The following CFAP54 variants were observed in gnomAD, a reference collection of about 807,000 sequenced individuals.
CFAP54 encodes the protein cilia- and flagella-associated protein 54.
CFAP54 carries 290 observed loss-of-function variants against 370.4 expected under a neutral mutation model. That is an observed-to-expected ratio of 0.78 (90% CI 0.71 to 0.86). The LOEUF is 0.86. Ranked by LOEUF, CFAP54 falls within the 40% of genes least tolerant of loss-of-function variation. The pLI is 0.00. For missense variants in CFAP54, 3,399 were observed against 3,528.7 expected, an observed-to-expected ratio of 0.96 and a Z score of 0.93; for synonymous variants, 1,206 against 1,236.5, an observed-to-expected ratio of 0.98 and a Z score of 0.52.
intron 55 of CFAP54, among the ~76,000 whole-genome samples, chr12:96,753,235 C>T (rs1373371506): frequency 6.6e-6 from 1 of 152,108 alleles, no homozygotes; most frequent in Non-Finnish European, 1.5e-5. Flanking sequence ...TAATAAAAAG[C>T]ATAGCATGTA....
At chr12:96,516,901 G>T (rs761538014) in intron 5 of CFAP54, among the ~76,000 whole-genome samples, 28 of 152,178 alleles carry the variant, frequency 1.8e-4, no homozygotes, top group Non-Finnish European at 2.6e-4. Flanking sequence ...CCATCCTGTG[G>T]CTGAGCTGAT....
In CFAP54 at chr12:96,875,308, G is replaced by A. The variant is rs1960280467; in HGVS notation, c.*205G>A. The A allele has an allele frequency of 6.6e-6, 1 of 152,144 alleles. No individual in the cohort carries two copies. The highest frequency in any genetic ancestry group is 2.1e-4 in the South Asian group (1 of 4,828). The allele number at this position is 152,144 out of a possible 1,614,324, so 9.4% of individuals were successfully genotyped here. A position where few individuals can be genotyped will look rare whatever the true frequency, so the allele number is the denominator to read the frequency against. ...TCTTATGATATATACAAATACTCTAGATATTGCTTTGAGATTTCGCTGTTG... is the reference window on the plus strand; with the variant it reads ...TCTTATGATATATACAAATACTCTAAATATTGCTTTGAGATTTCGCTGTTG... On this transcript the variant is annotated 3_prime_UTR_variant, in exon 68 of 68. Coordinates refer to ENST00000524981, the MANE Select transcript of CFAP54 (RefSeq NM_001306084.2).
chr12:96,641,196 T>C (rs941085990), intron 32 of CFAP54, among the ~76,000 whole-genome samples: 44 of 152,212 alleles, frequency 2.9e-4, no homozygotes, highest in African/African-American at 9.9e-4. Flanking sequence ...AGGGCTAATA[T>C]CCAGAATCTA....
intron 55 of CFAP54, among the ~76,000 whole-genome samples, chr12:96,750,921 C>T (rs1414230171): frequency 6.6e-6 from 1 of 152,154 alleles, no homozygotes; most frequent in Non-Finnish European, 1.5e-5. Flanking sequence ...AAAAGGAGCA[C>T]TTAAATATTA....
intron 39 of CFAP54, among the ~76,000 whole-genome samples, chr12:96,677,650 A>G (rs1421552864): frequency 6.6e-6 from 1 of 152,148 alleles, no homozygotes; most frequent in East Asian, 1.9e-4. Flanking sequence ...CTGGTAAGGA[A>G]GAAGAATGAG....
At chr12:96,703,361 T>G (rs1203060315) in intron 46 of CFAP54, among the ~76,000 whole-genome samples, 1 of 152,150 alleles carries the variant, frequency 6.6e-6, no homozygotes, top group African/African-American at 2.4e-5. Context: ...TCTCTGCACT[T>G]CTAGCCTCTC....
chr12:96,682,625 C>A (rs990167117), intron 40 of CFAP54, among the ~76,000 whole-genome samples: 10 of 152,168 alleles, frequency 6.6e-5, no homozygotes. Flanking sequence ...ATAAGCCCAC[C>A]TGAGCCTCCC....
intron 40 of CFAP54, 147 bp downstream of exon 40, chr12:96,679,899 T>A: frequency 1.3e-6 from 1 of 766,402 alleles, no homozygotes; most frequent in Non-Finnish European, 2.1e-6. Context: ...CCAGTGGATC[T>A]ATTCTGTGTC....
intron 35 of CFAP54, among the ~76,000 whole-genome samples, chr12:96,651,307 C>T (rs1051893998): frequency 2.0e-5 from 3 of 152,206 alleles, no homozygotes; most frequent in Non-Finnish European, 4.4e-5. Flanking sequence ...GAATTCCCAG[C>T]ACCTAGAACA....
chr12:96,674,207 C>T (rs1282707880), intron 39 of CFAP54, among the ~76,000 whole-genome samples: 1 of 152,042 alleles, frequency 6.6e-6, no homozygotes, highest in Non-Finnish European at 1.5e-5. Flanking sequence ...GATGTGGCCT[C>T]GAGTGTAGGA....
intron 9 of CFAP54, among the ~76,000 whole-genome samples, chr12:96,531,250 T>C (rs1955438002): frequency 6.6e-6 from 1 of 152,162 alleles, no homozygotes; most frequent in African/African-American, 2.4e-5. Flanking sequence ...TTTAAGATTT[T>C]GATGCTCTTT....
chr12:96,499,456 C>T (rs1263746058), intron 1 of CFAP54, among the ~76,000 whole-genome samples: 1 of 152,146 alleles, frequency 6.6e-6, no homozygotes, highest in East Asian at 1.9e-4. Context: ...ATCTAGAACA[C>T]CGACAACACC....
chr12:96,850,216 T>TA (rs35493066), intron 66 of CFAP54, among the ~76,000 whole-genome samples: 3,278 of 101,062 alleles, frequency 0.032, 69 homozygotes, highest in Middle Eastern at 0.067. Context: ...CTGTCTCTAC[T>TA]AAAAAAAAAA....
chr12:96,654,397 A>C (rs569303890), intron 36 of CFAP54, among the ~76,000 whole-genome samples: 1 of 150,944 alleles, frequency 6.6e-6, no homozygotes, highest in South Asian at 2.1e-4. Context: ...GCTACTTGGG[A>C]GGCTGAGGCA....
At chr12:96,749,060 A>G (rs1958153664) in intron 55 of CFAP54, among the ~76,000 whole-genome samples, 1 of 152,192 alleles carries the variant, frequency 6.6e-6, no homozygotes, top group Admixed American at 6.5e-5. Context: ...GGGAGTTTTT[A>G]CAGTAGTCTG....
chr12:96,600,174 T>C (rs1956224157), intron 26 of CFAP54, among the ~76,000 whole-genome samples: 1 of 152,128 alleles, frequency 6.6e-6, no homozygotes, highest in Non-Finnish European at 1.5e-5. Flanking sequence ...TTAATTTTTG[T>C]GTAAGGTGTA....
chr12:96,589,650 A>C (rs1956106712), intron 23 of CFAP54, 87 bp downstream of exon 23: 1 of 825,218 alleles, frequency 1.2e-6, no homozygotes, highest in African/African-American at 1.8e-5. Context: ...TTTTAATATC[A>C]TGTTCAGATA....
chr12:96,658,021 T>C lies in CFAP54; in HGVS notation c.5240T>C (p.Val1747Ala). The change falls in exon 37 of 68, where the codon GTA (valine) becomes GCA (alanine). Residue 1747 changes from valine (V) to alanine (A), a missense_variant. This residue lies in a region of CFAP54 where 2,796 missense variants were observed against 2,869.7 expected (regional missense o/e 0.97). Transcript: ENST00000524981. ...GATTTGAAATGGATCCACGACTTTG[T>C]ATTAAAATCTCTGGAAGTTTTATAT... ...VVDLKWIHDF[V>A]LKSLEVLYQV... 1.9e-6 allele frequency: 3 copies of C among 1,613,980 alleles called. No individual in the cohort carries two copies. The highest frequency in any genetic ancestry group is 2.5e-6 in the Non-Finnish European group (3 of 1,179,940).
intron 22 of CFAP54, among the ~76,000 whole-genome samples, chr12:96,585,029 C>CTG (rs1801547177): frequency 1.2e-5 from 1 of 81,468 alleles, no homozygotes; most frequent in Non-Finnish European, 2.7e-5. Context: ...AGTCTGATCT[C>CTG]TCTCTCTCTC....
Sources: allele counts gnomAD v4.1 joint callset (sites outside exome capture counted in the v4.1 genomes callset), GRCh38; gene constraint gnomAD v4.1.1; regional missense constraint gnomAD v4.1.1; transcripts MANE v1.5; gene names NCBI Gene and HGNC (gene_info 2026-07-23, HGNC 2026-07-21).